Variants in DSG3 observed in about 807,000 individuals in gnomAD.
DSG3 encodes desmoglein-3.
In DSG3, 63 loss-of-function variants were observed where a neutral mutation model predicts 85.9. The ratio of observed to expected loss-of-function variants is 0.73; its 90% CI spans 0.60 to 0.90. DSG3 has a LOEUF of 0.90. Among genes scored for constraint, DSG3 ranks in the 40% least tolerant of loss-of-function variants. DSG3 has a pLI of 0.00. For missense variants in DSG3, 1,220 were observed against 1,219.9 expected, an observed-to-expected ratio of 1.00 and a Z score of 0.00; for synonymous variants, 447 against 441.9, an observed-to-expected ratio of 1.01 and a Z score of -0.14.
intron 5 of DSG3, 112 bp from the exon 6 acceptor site, chr18:31,459,733 G>A: frequency 9.2e-7 from 1 of 1,083,024 alleles, no homozygotes; most frequent in South Asian, 1.7e-5. Flanking sequence ...ACATACAGAT[G>A]ATTTTAGGAT....
intron 6 of DSG3, among the ~76,000 whole-genome samples, chr18:31,460,473 A>G (rs2072776896): frequency 6.6e-6 from 1 of 152,102 alleles, no homozygotes; most frequent in East Asian, 1.9e-4. Flanking sequence ...ATTACCTACC[A>G]CCACCACCTT....
intron 14 of DSG3, 48 bp from the exon 15 acceptor site, chr18:31,474,073 A>G (rs1380996129): frequency 6.4e-7 from 1 of 1,562,546 alleles, no homozygotes; most frequent in Non-Finnish European, 8.7e-7. Context: ...ATAAAAATGC[A>G]ACAAACAACA....
chr18:31,473,740 T>C (rs902885441), intron 14 of DSG3, among the ~76,000 whole-genome samples: 2 of 152,218 alleles, frequency 1.3e-5, no homozygotes, highest in African/African-American at 4.8e-5. Context: ...GTTTCCTCTT[T>C]GGTTTCCATA....
chr18:31,467,611 TTGTC>T (rs774540957), intron 11 of DSG3, among the ~76,000 whole-genome samples: 17 of 152,322 alleles, frequency 1.1e-4, no homozygotes, highest in Non-Finnish European at 2.1e-4. Context: ...TCATTGTACA[TTGTC>T]TGTGCTTTCC....
At position 31,460,877 on chromosome 18, in the gene DSG3, T is replaced by C. The variant is rs1359989019; in HGVS notation, c.729T>C (p.Asp243=). 5 of 1,599,184 alleles carry C rather than the reference T, an allele frequency of 3.1e-6. No homozygotes were observed. The highest frequency in any genetic ancestry group is 4.3e-6 in the Non-Finnish European group (5 of 1,175,972). ...TGGTTGTGAGTGGTGCAGACAAAGA[T>C]GGAGAAGGACTATCAACTCAATGTG... is the stretch of plus-strand genomic sequence containing the variant. ...YRLVVSGADK[D]GEGLSTQCEC... The change falls in exon 7 of 16, where the codon GAT becomes GAC. Residue 243 remains aspartate, a synonymous_variant. Transcript: ENST00000257189.
chr18:31,449,209 A>G (rs976415069), intron 1 of DSG3, among the ~76,000 whole-genome samples: 2 of 152,110 alleles, frequency 1.3e-5, no homozygotes, highest in Non-Finnish European at 2.9e-5. Context: ...CTAAGATTCT[A>G]TTTCTATTAC....
Position 31,476,865 on chromosome 18 carries a change from A to G in DSG3, c.*605A>G, listed in dbSNP as rs1227133833. 2.0e-5 allele frequency: 3 copies of G among 151,426 alleles called. No homozygotes were observed. Among genetic ancestry groups the G allele is most frequent in the Non-Finnish European group, 4.4e-5 (3 of 67,944 alleles). The allele number at this position is 151,426 out of a possible 1,614,324, so 9.4% of individuals were successfully genotyped here. A position where few individuals can be genotyped will look rare whatever the true frequency, so the allele number is the denominator to read the frequency against. On this transcript the variant is annotated 3_prime_UTR_variant, in exon 16 of 16. Coordinates refer to ENST00000257189, the MANE Select transcript of DSG3 (RefSeq NM_001944.3). ...TCCCAGCTACTCGGGAGGCTGAGGC[A>G]GGAGAATGGCATGAACCCGGGAAGC...
At chr18:31,473,394 C>T (rs1466399503) in intron 14 of DSG3, among the ~76,000 whole-genome samples, 1 of 152,196 alleles carries the variant, frequency 6.6e-6, no homozygotes, top group Non-Finnish European at 1.5e-5. Flanking sequence ...TTAATATTAT[C>T]TGAGTGCCAC....
chr18:31,464,917 A>G (rs1222244948), intron 9 of DSG3, among the ~76,000 whole-genome samples: 2 of 152,208 alleles, frequency 1.3e-5, no homozygotes, highest in East Asian at 1.9e-4. Context: ...CAGATGGATC[A>G]CTTGAGGTTG....
chr18:31,457,697 A>G (rs1358404348), intron 3 of DSG3, among the ~76,000 whole-genome samples: 1 of 150,314 alleles, frequency 6.7e-6, no homozygotes, highest in Non-Finnish European at 1.5e-5. Flanking sequence ...GCGCGATCTC[A>G]GCTCACTGCA....
In DSG3 at chr18:31,459,987, T is replaced by A. The variant is rs773201671; in HGVS notation, c.660T>A (p.Thr220=). ...LLSRNTGEVR[T]LTNSLDREQA... is the part of the protein sequence containing the mutation. ...GCAGAAACACTGGGGAAGTCCGTAC[T>A]TTGACCAATTCTCTTGACCGAGAGG... Residue 220 remains threonine (T), a synonymous_variant, in exon 6 of 16, where the codon ACT becomes ACA. Coordinates refer to ENST00000257189, the MANE Select transcript of DSG3 (RefSeq NM_001944.3). The A allele has an allele frequency of 2.9e-5, 46 of 1,613,820 alleles. No homozygotes were observed. Among genetic ancestry groups the A allele is most frequent in the Non-Finnish European group, 3.8e-5 (45 of 1,179,922 alleles).
chr18:31,456,530 A>G, intron 2 of DSG3, 55 bp downstream of exon 2: 3 of 1,001,924 alleles, frequency 3.0e-6, no homozygotes, highest in Non-Finnish European at 4.0e-6. Context: ...TTAAAAAAAA[A>G]TTAAATTGTG....
chr18:31,465,983 G>A (rs1598782932), intron 10 of DSG3, among the ~76,000 whole-genome samples: 1 of 152,220 alleles, frequency 6.6e-6, no homozygotes, highest in East Asian at 1.9e-4. Context: ...CAAAAAGATT[G>A]CCATTTGGGA....
At chr18:31,466,433 C>T in intron 10 of DSG3, 97 bp from the exon 11 acceptor site, 1 of 1,032,506 alleles carries the variant, frequency 9.7e-7, no homozygotes, top group South Asian at 1.5e-5. Flanking sequence ...AGAAGACACA[C>T]TGAGTTGGCT....
chr18:31,458,317 A>G (rs1229492747), intron 3 of DSG3, 128 bp from the exon 4 acceptor site: 9 of 1,077,630 alleles, frequency 8.4e-6, no homozygotes, highest in Non-Finnish European at 1.2e-5. Context: ...TCAAGGCAAA[A>G]AGTAAATGGC....
chr18:31,474,083 A>T, intron 14 of DSG3, 38 bp from the exon 15 acceptor site: 1 of 1,577,634 alleles, frequency 6.3e-7, no homozygotes, highest in Non-Finnish European at 8.6e-7. Flanking sequence ...AACAAACAAC[A>T]GCATAAGATA....
At chr18:31,447,960 C>G (rs775416265) in intron 1 of DSG3, 35 bp downstream of exon 1, 1 of 1,490,778 alleles carries the variant, frequency 6.7e-7, no homozygotes, top group Admixed American at 2.2e-5. Flanking sequence ...TCACAAACTT[C>G]CCTGCTTCCT....
At chr18:31,448,866 T>G (rs959892981) in intron 1 of DSG3, among the ~76,000 whole-genome samples, 13 of 152,120 alleles carry the variant, frequency 8.5e-5, no homozygotes, top group Admixed American at 4.6e-4. Context: ...GGGAGATAGA[T>G]CTCAAGAAAG....
intron 9 of DSG3, 95 bp from the exon 10 acceptor site, chr18:31,465,223 A>C (rs1325614192): frequency 2.4e-6 from 2 of 841,798 alleles, no homozygotes; most frequent in Non-Finnish European, 3.3e-6. Context: ...CATATATTAA[A>C]TATGAATATA....
Sources: allele counts gnomAD v4.1 joint callset (sites outside exome capture counted in the v4.1 genomes callset), GRCh38; gene constraint gnomAD v4.1.1; transcripts MANE v1.5; gene names NCBI Gene and HGNC (gene_info 2026-07-23, HGNC 2026-07-21).